Variants in AMZ1 observed in about 807,000 individuals in gnomAD.
The protein encoded by AMZ1 is archaemetzincin-1.
A neutral mutation model predicts 29.9 loss-of-function variants in AMZ1; 39 were observed. That is an observed-to-expected ratio of 1.30 (90% CI 1.01 to 1.70). The LOEUF (loss-of-function observed/expected upper bound fraction) is 1.70. AMZ1 is among the 40% of genes most tolerant of loss of function. The pLI is 0.00. For synonymous variants in AMZ1, 458 were observed against 304.0 expected (o/e 1.51, Z -5.27); for missense variants, 1,041 against 680.6 (o/e 1.53, Z -5.89).
At chr7:2,727,823 T>C (rs1405119032) in intron 4 of AMZ1, among the ~76,000 whole-genome samples, 1 of 151,678 alleles carries the variant, frequency 6.6e-6, no homozygotes, top group Non-Finnish European at 1.5e-5. Flanking sequence ...TGTGGGAGGC[T>C]GAGGTGGGCC....
intron 1 of AMZ1, among the ~76,000 whole-genome samples, chr7:2,696,444 A>T (rs1235436488): frequency 1.9e-4 from 28 of 150,504 alleles, no homozygotes; most frequent in Admixed American, 1.2e-3. Context: ...TTTTTAGTAG[A>T]GACGGGGTTT....
intron 1 of AMZ1, among the ~76,000 whole-genome samples, chr7:2,680,573 C>A (rs942148284): frequency 2.6e-5 from 4 of 152,220 alleles, no homozygotes; most frequent in Non-Finnish European, 5.9e-5. Flanking sequence ...GGAGTAGGGG[C>A]TCCGTCCTCA....
intron 4 of AMZ1, among the ~76,000 whole-genome samples, chr7:2,732,580 A>C (rs1373438368): frequency 6.6e-6 from 1 of 152,072 alleles, no homozygotes; most frequent in African/African-American, 2.4e-5. Flanking sequence ...CAAAAAACCA[A>C]CAAAACACCT....
rs571111343 is a variant in AMZ1 at position 2,719,230 on chromosome 7, T to C, written c.*6352T>C. 6.6e-6 allele frequency among the ~76,000 whole-genome samples: 1 copy of C among 151,992 alleles called. No individual in the cohort carries two copies. The highest frequency in any genetic ancestry group is 1.5e-5 in the Non-Finnish European group (1 of 68,020). On this transcript the variant is annotated 3_prime_UTR_variant, in exon 7 of 7. Transcript: ENST00000683327. ...CCCCTGTCGGAAGGGGGGTGTCTCT[T>C]TATTCCTGCCATCCTCCGGCCGCCT... is the stretch of plus-strand genomic sequence containing the variant.
chr7:2,762,667 A>T, upstream of AMZ1: 1 of 1,598,096 alleles, frequency 6.3e-7, no homozygotes, highest in East Asian at 2.3e-5. Context: ...TGAGAGGATA[A>T]ATCATTTGGA....
In AMZ1 at chr7:2,709,704, T is replaced by C. The variant is rs369398134; in HGVS notation, c.836T>C (p.Met279Thr). The C allele has an allele frequency of 1.9e-6, 3 of 1,610,998 alleles. No homozygotes were observed. Among genetic ancestry groups the C allele is most frequent in the Non-Finnish European group, 1.7e-6 (2 of 1,179,862 alleles). The change falls in exon 6 of 7, where the codon ATG (methionine) becomes ACG (threonine). Residue 279 changes from methionine (M) to threonine (T), a missense_variant. Transcript: ENST00000683327. ...LGNCRWLRCLMQGALSLDEAL... is the reference protein window; with the variant it reads ...LGNCRWLRCLTQGALSLDEAL... ...AACTGCCGCTGGCTCCGCTGCCTCA[T>C]GCAGGGTGCGCTCAGCCTGGACGAG...
rs1050068455 is a variant in AMZ1 at position 2,753,438 on chromosome 7, G to C, written n.551-11274G>C. Among the ~76,000 whole-genome samples the C allele has an allele frequency of 2.2e-4, 34 of 152,162 alleles. 1 individual carries two copies. Among genetic ancestry groups the C allele is most frequent in the Non-Finnish European group, 1.9e-4 (13 of 68,036 alleles). ...CAGGTGTGAGCCCCTGCACCTGGCA[G>C]CATGTGGCCTTTGGAAGTTGGCTTT... On this transcript the variant is annotated intron_variant and non_coding_transcript_variant, in intron 4 of 4. Coordinates refer to the AMZ1 transcript ENST00000489665.
At chr7:2,759,851 G>A (rs1022741494), upstream of AMZ1, among the ~76,000 whole-genome samples, 4 of 151,860 alleles carry the variant, frequency 2.6e-5, no homozygotes, top group Non-Finnish European at 4.4e-5. Flanking sequence ...CGTCCAATGC[G>A]ATTGTCCGCC....
intron 1 of AMZ1, among the ~76,000 whole-genome samples, chr7:2,698,021 T>C (rs1313635304): frequency 1.3e-5 from 2 of 152,198 alleles, no homozygotes; most frequent in African/African-American, 4.8e-5. Context: ...ATAAATTACA[T>C]ATATCAAATT....
chr7:2,717,307 G>A lies in AMZ1; in HGVS notation c.*4429G>A, dbSNP rs1789185333. Among the ~76,000 whole-genome samples, 1 of 152,178 alleles carries A rather than the reference G, an allele frequency of 6.6e-6. No homozygotes were observed. Among genetic ancestry groups the A allele is most frequent in the African/African-American group, 2.4e-5 (1 of 41,388 alleles). On this transcript the variant is annotated 3_prime_UTR_variant, in exon 7 of 7. Transcript: ENST00000683327. Reference sequence around the variant, plus strand: ...GAGAGAATCAGGGCTTCGCGACGGGGCTCATAGACCTGAACTGGGTCTGCC... The same window carrying A: ...GAGAGAATCAGGGCTTCGCGACGGGACTCATAGACCTGAACTGGGTCTGCC...
chr7:2,755,841 A>T (rs1791267591), intron 4 of AMZ1, among the ~76,000 whole-genome samples: 1 of 152,230 alleles, frequency 6.6e-6, no homozygotes, highest in Non-Finnish European at 1.5e-5. Flanking sequence ...AAATAATTGG[A>T]GAGTTATGTC....
upstream of AMZ1, among the ~76,000 whole-genome samples, chr7:2,685,458 T>C (rs886559622): frequency 6.6e-6 from 1 of 151,410 alleles, no homozygotes; most frequent in Non-Finnish European, 1.5e-5. Flanking sequence ...CTTGGGTGGC[T>C]GAGGCAGGAG....
intron 4 of AMZ1, among the ~76,000 whole-genome samples, chr7:2,725,658 C>T (rs946732611): frequency 5.9e-5 from 9 of 152,234 alleles, no homozygotes; most frequent in Non-Finnish European, 1.0e-4. Flanking sequence ...CTGTGGGCTC[C>T]ACTCCCAGAG....
chr7:2,720,881 G>A (rs1490601212), downstream of AMZ1, among the ~76,000 whole-genome samples: 3 of 152,094 alleles, frequency 2.0e-5, no homozygotes, highest in Admixed American at 6.5e-5. Context: ...TTTCAGCCAC[G>A]TTGCCCAGGC....
intron 4 of AMZ1, chr7:2,730,247 CTG>C (rs1789818777): frequency 6.6e-6 from 1 of 152,460 alleles, no homozygotes. Flanking sequence ...GTGCTGCCAA[CTG>C]TGTGTGAGCA....
chr7:2,731,843 G>T lies in AMZ1; in HGVS notation n.550+22027G>T, dbSNP rs1230379121. 2 of 671,752 alleles carry T rather than the reference G, an allele frequency of 3.0e-6. No individual in the cohort carries two copies. Among genetic ancestry groups the T allele is most frequent in the Non-Finnish European group, 4.7e-6 (2 of 427,986 alleles). The allele number at this position is 671,752 out of a possible 1,614,324, so 41.6% of individuals were successfully genotyped here. On this transcript the variant is annotated intron_variant and non_coding_transcript_variant, in intron 4 of 4. Transcript: ENST00000489665. The surrounding 1 kb of genome is among the most constrained non-coding windows in gnomAD (Gnocchi z 6.0). Reference sequence around the variant, plus strand: ...AGATGGCAAAAAGATAAGAAGGAAAGAGACTGACTTTTGCAACAGGTTGAA... The same window carrying T: ...AGATGGCAAAAAGATAAGAAGGAAATAGACTGACTTTTGCAACAGGTTGAA...
At chr7:2,689,867 C>T (rs980780616) in intron 1 of AMZ1, among the ~76,000 whole-genome samples, 4 of 152,282 alleles carry the variant, frequency 2.6e-5, no homozygotes, top group East Asian at 1.9e-4. Flanking sequence ...AGCTGACCCC[C>T]ACTAAGGCGG....
At chr7:2,755,759 G>C (rs1389371004) in intron 4 of AMZ1, among the ~76,000 whole-genome samples, 3 of 152,146 alleles carry the variant, frequency 2.0e-5, no homozygotes, top group African/African-American at 2.4e-5. Flanking sequence ...GCTAAAACAG[G>C]AAATTTTTTT....
Position 2,712,849 on chromosome 7 carries a change from C to A in AMZ1, c.1468C>A (p.Pro490Thr), listed in dbSNP as rs771423629. 6.6e-7 allele frequency: 1 copy of A among 1,524,798 alleles called. No individual in the cohort carries two copies. The highest frequency in any genetic ancestry group is 8.8e-7 in the Non-Finnish European group (1 of 1,136,280). 94.5% of individuals were successfully genotyped at this position (1,524,798 alleles called of 1,614,324 possible). A position where few individuals can be genotyped will look rare whatever the true frequency, so the allele number is the denominator to read the frequency against. ...ARKLARAESAPRPWDGEES is the reference protein window; with the variant it reads ...ARKLARAESATRPWDGEES ...AAAACTCGCCAGAGCAGAGTCGGCCCCCCGTCCCTGGGATGGGGAAGAGAG... is the reference window on the plus strand; with the variant it reads ...AAAACTCGCCAGAGCAGAGTCGGCCACCCGTCCCTGGGATGGGGAAGAGAG... Residue 490 changes from proline to threonine, a missense_variant, in exon 7 of 7, where the codon CCC becomes ACC. Physicochemically the swap from Pro to Thr is conservative, Grantham distance 38 (BLOSUM62 -1). Transcript: ENST00000683327.
Sources: gnomAD v4.1 joint callset for allele counts (sites outside exome capture counted in the v4.1 genomes callset) on GRCh38, gnomAD v4.1.1 for gene constraint, Gnocchi (gnomAD v3.1) non-coding constraint, MANE v1.5 for transcripts, NCBI Gene and HGNC (gene_info 2026-07-23, HGNC 2026-07-21) for gene names.